DENND4A: variants seen among roughly 807,000 people sequenced by gnomAD.
The protein encoded by DENND4A is DENN domain containing 4A, also known as C-myc promoter-binding protein.
A neutral mutation model predicts 199.3 loss-of-function variants in DENND4A; 70 were observed. The ratio of observed to expected loss-of-function variants is 0.35; its 90% confidence interval spans 0.29 to 0.43. The LOEUF (loss-of-function observed/expected upper bound fraction) is 0.43, where lower values mean the gene tolerates loss of function less well. DENND4A is among the 20% of genes least tolerant of loss of function. The pLI, the probability that DENND4A is intolerant of heterozygous loss-of-function variation, is 1.00. For synonymous variants in DENND4A, 686 were observed against 766.9 expected (o/e 0.89, Z 1.74); for missense variants, 1,723 against 2,255.8 (o/e 0.76, Z 4.78).
At chr15:65,662,624 C>G (rs904715434) in intron 32 of DENND4A, among the ~76,000 whole-genome samples, 1 of 152,176 alleles carries the variant, frequency 6.6e-6, no homozygotes, top group Non-Finnish European at 1.5e-5. Context: ...CAAGCTTCTG[C>G]TAAAAGTTTC....
At chr15:65,781,784 A>G (rs980819346) in intron 1 of DENND4A, among the ~76,000 whole-genome samples, 15 of 152,216 alleles carry the variant, frequency 9.9e-5, no homozygotes, top group African/African-American at 3.4e-4. Context: ...GGGTAGATAC[A>G]TGGTAACTGA....
intron 12 of DENND4A, among the ~76,000 whole-genome samples, chr15:65,720,777 T>C (rs2075596592): frequency 1.3e-5 from 2 of 151,432 alleles, no homozygotes; most frequent in Non-Finnish European, 2.9e-5. Flanking sequence ...GAAGCTACTA[T>C]ACGCCTCCTT....
At chr15:65,751,617 C>T (rs1319944715) in intron 4 of DENND4A, among the ~76,000 whole-genome samples, 2 of 151,996 alleles carry the variant, frequency 1.3e-5, no homozygotes, top group South Asian at 4.1e-4. Flanking sequence ...AAGGAATCAG[C>T]AAAGGCAGAA....
intron 1 of DENND4A, among the ~76,000 whole-genome samples, chr15:65,790,150 AATT>A: frequency 6.6e-6 from 1 of 152,286 alleles, no homozygotes; most frequent in Non-Finnish European, 1.5e-5. Flanking sequence ...CTAGCCTCCC[AATT>A]ATACTAAATA....
chr15:65,727,913 C>A, intron 11 of DENND4A: 1 of 258,986 alleles, frequency 3.9e-6, no homozygotes, highest in Non-Finnish European at 7.6e-6. Context: ...CCTTGCATCC[C>A]TAGGGTGTAA....
At chr15:65,747,298 T>C (rs2076429158) in intron 4 of DENND4A, among the ~76,000 whole-genome samples, 1 of 152,224 alleles carries the variant, frequency 6.6e-6, no homozygotes, top group African/African-American at 2.4e-5. Flanking sequence ...ACTGTAATTA[T>C]GTTCTAATAT....
intron 30 of DENND4A, 74 bp from the exon 31 acceptor site, chr15:65,664,796 A>T: frequency 7.9e-7 from 1 of 1,266,244 alleles, no homozygotes; most frequent in Non-Finnish European, 1.1e-6. Context: ...GCAGCAACTG[A>T]CAGATATTAA....
chr15:65,721,076 G>T (rs1393310088), intron 12 of DENND4A, among the ~76,000 whole-genome samples: 1 of 148,514 alleles, frequency 6.7e-6, no homozygotes, highest in Non-Finnish European at 1.5e-5. Flanking sequence ...GCCTCCCAAA[G>T]TGCTGGGATT....
intron 1 of DENND4A, among the ~76,000 whole-genome samples, chr15:65,784,780 C>G (rs372825510): frequency 3.9e-5 from 6 of 151,958 alleles, no homozygotes; most frequent in African/African-American, 1.5e-4. Flanking sequence ...GAGCAGAAAG[C>G]CCTCCTCCAA....
chr15:65,747,054 C>T (rs949536604), intron 4 of DENND4A, among the ~76,000 whole-genome samples: 8 of 150,460 alleles, frequency 5.3e-5, no homozygotes, highest in Admixed American at 5.3e-4. Flanking sequence ...TGCAGGGAGC[C>T]GAGATCGCAC....
At position 65,702,953 on chromosome 15, in the gene DENND4A, G is replaced by C. The variant is rs2074926253; in HGVS notation, c.2143C>G (p.Leu715Val). Residue 715 changes from leucine (L) to valine (V), a missense_variant, in exon 16 of 33, where the codon CTA becomes GTA. Physicochemically the swap from Leu to Val is conservative, Grantham distance 32 (BLOSUM62 1). Coordinates refer to ENST00000443035, the MANE Select transcript of DENND4A (RefSeq NM_001320835.1). Reference sequence around the variant, plus strand: ...GGCAATTTGTTCTTCTTTGCTTGTAGAAATCCTTCAGGTCTTTCAAATAAA... The same window carrying C: ...GGCAATTTGTTCTTCTTTGCTTGTACAAATCCTTCAGGTCTTTCAAATAAA... ...NNLFERPEGF[L>V]QAKKNKLPSK... 1 of 1,613,104 alleles carries C rather than the reference G, an allele frequency of 6.2e-7. No individual in the cohort carries two copies. Among genetic ancestry groups the C allele is most frequent in the Non-Finnish European group, 8.5e-7 (1 of 1,179,396 alleles).
chr15:65,745,543 A>G (rs979709976), intron 4 of DENND4A, among the ~76,000 whole-genome samples: 1 of 152,174 alleles, frequency 6.6e-6, no homozygotes, highest in Non-Finnish European at 1.5e-5. Context: ...ATGAATATGT[A>G]AAAGTCAAGC....
chr15:65,659,327 T>TTTTTG lies in DENND4A; in HGVS notation c.*2523_*2524insCAAAA, dbSNP rs1469830820. 1.8e-5 allele frequency: 2 copies of TTTTTG among 113,180 alleles called. No homozygotes were observed. Among genetic ancestry groups the TTTTTG allele is most frequent in the African/African-American group, 4.1e-5 (1 of 24,654 alleles). The allele number at this position is 113,180 out of a possible 1,614,324, so 7.0% of individuals were successfully genotyped here. A position where few individuals can be genotyped will look rare whatever the true frequency, so the allele number is the denominator to read the frequency against. On this transcript the variant is annotated 3_prime_UTR_variant, in exon 33 of 33. Coordinates refer to ENST00000443035, the MANE Select transcript of DENND4A (RefSeq NM_001320835.1). ...TAAATGATTGATATTTTCTGGTTTT[T>TTTTTG]TTTTTTTTTTTTTTTTTTTTTTTTG...
chr15:65,700,660 A>G lies in DENND4A; in HGVS notation c.2717T>C (p.Leu906Pro). The change falls in exon 20 of 33, where the codon CTG (leucine) becomes CCG (proline). Residue 906 changes from leucine to proline, a missense_variant. Physicochemically the swap from Leu to Pro is moderately conservative, Grantham distance 98. Coordinates refer to ENST00000443035, the MANE Select transcript of DENND4A (RefSeq NM_001320835.1). ...CATGCTGCCATGACTAACAGCATCC[A>G]GGTCACTGCCATCTGCTTAAGAACA... is the stretch of plus-strand genomic sequence containing the variant. ...QTTLSADGSD[L>P]DAVSHGSMDS... 1 of 1,540,954 alleles carries G rather than the reference A, an allele frequency of 6.5e-7. No homozygotes were observed.
intron 14 of DENND4A, among the ~76,000 whole-genome samples, chr15:65,712,152 T>G (rs1017161872): frequency 2.0e-5 from 3 of 152,224 alleles, no homozygotes; most frequent in African/African-American, 7.2e-5. Flanking sequence ...TTCTGGATAC[T>G]TTGATTTGTT....
chr15:65,792,115 G>C lies in DENND4A; in HGVS notation c.-207C>G, dbSNP rs1219904858. The stretch of plus-strand genomic sequence containing the variant: ...GAGGGGCTGAATGCCGCGGCGCTCT[G>C]AGCCCGCTTAGCTCATCCCCAGCCC... On this transcript the variant is annotated 5_prime_UTR_variant, in exon 1 of 33. Coordinates refer to ENST00000443035, the MANE Select transcript of DENND4A (RefSeq NM_001320835.1). 6.5e-6 allele frequency: 1 copy of C among 152,830 alleles called. No homozygotes were observed. Among genetic ancestry groups the C allele is most frequent in the Non-Finnish European group, 1.5e-5 (1 of 68,112 alleles). The allele number at this position is 152,830 out of a possible 1,614,324, so 9.5% of individuals were successfully genotyped here.
chr15:65,771,547 G>T (rs1165457415), intron 1 of DENND4A: 1 of 1,612,028 alleles, frequency 6.2e-7, no homozygotes, highest in African/African-American at 1.3e-5. Flanking sequence ...ATACAATTAT[G>T]GGCATCAGCT....
intron 4 of DENND4A, among the ~76,000 whole-genome samples, chr15:65,746,587 T>C (rs551799416): frequency 6.6e-6 from 1 of 151,360 alleles, no homozygotes; most frequent in East Asian, 2.0e-4. Flanking sequence ...GGTTTCAGCA[T>C]GTTGGCCAGG....
intron 1 of DENND4A, among the ~76,000 whole-genome samples, chr15:65,779,581 C>T (rs911825892): frequency 6.6e-6 from 1 of 152,144 alleles, no homozygotes; most frequent in African/African-American, 2.4e-5. Flanking sequence ...CCTCAAACTC[C>T]TGGGCTCAAG....
Sources: allele counts gnomAD v4.1 joint callset (sites outside exome capture counted in the v4.1 genomes callset), GRCh38; gene constraint gnomAD v4.1.1; transcripts MANE v1.5; gene names NCBI Gene and HGNC (gene_info 2026-07-23, HGNC 2026-07-21).